PDE7B: variants seen among roughly 807,000 people sequenced by gnomAD.
PDE7B encodes 3',5'-cyclic-AMP phosphodiesterase 7B.
In PDE7B, 29 loss-of-function variants were observed where a neutral mutation model predicts 56.2. That is an observed-to-expected ratio of 0.52 (90% CI 0.38 to 0.70). The LOEUF is 0.70. Among genes scored for constraint, PDE7B ranks in the 30% least tolerant of loss-of-function variants. The pLI is 0.00. For synonymous variants in PDE7B, 197 were observed against 196.9 expected, an observed-to-expected ratio of 1.00 and a Z score of 0.00; for missense variants, 490 against 565.0, an observed-to-expected ratio of 0.87 and a Z score of 1.35.
intron 8 of PDE7B, among the ~76,000 whole-genome samples, chr6:136,158,244 A>G (rs1258376034): frequency 2.6e-5 from 4 of 152,198 alleles, no homozygotes; most frequent in Non-Finnish European, 5.9e-5. Flanking sequence ...GGATGTTTGC[A>G]TGCACATTTT....
chr6:136,129,044 T>G (rs1281657001), intron 3 of PDE7B, among the ~76,000 whole-genome samples: 2 of 152,184 alleles, frequency 1.3e-5, no homozygotes, highest in African/African-American at 2.4e-5. Flanking sequence ...ATTCATTAAC[T>G]CTTTCTGAGT....
At position 136,192,233 on chromosome 6, in the gene PDE7B, G is replaced by C. The variant is rs953521971; in HGVS notation, c.*393G>C. ...GTTTGCTATCTGACTGCTGATCTGC[G>C]TGACAGAAACACCAGCATATTTGCA... On this transcript the variant is annotated 3_prime_UTR_variant, in exon 13 of 13. Transcript: ENST00000308191. 5.1e-6 allele frequency: 1 copy of C among 196,216 alleles called. No individual in the cohort carries two copies. Among genetic ancestry groups the C allele is most frequent in the Non-Finnish European group, 1.1e-5 (1 of 94,246 alleles). 12.2% of individuals were successfully genotyped at this position (196,216 alleles called of 1,614,324 possible).
chr6:135,936,424 G>T (rs764057923), intron 1 of PDE7B, among the ~76,000 whole-genome samples: 8 of 152,142 alleles, frequency 5.3e-5, no homozygotes, highest in Non-Finnish European at 1.0e-4. Flanking sequence ...CTAAAGCTTG[G>T]ACACATCGAC....
intron 2 of PDE7B, among the ~76,000 whole-genome samples, chr6:136,091,783 C>A (rs1777391278): frequency 6.6e-6 from 1 of 152,154 alleles, no homozygotes; most frequent in South Asian, 2.1e-4. Context: ...GGTGGCCAGG[C>A]AGGCCTGGGA....
At chr6:136,065,668 A>G (rs1222740491) in intron 2 of PDE7B, among the ~76,000 whole-genome samples, 1 of 152,230 alleles carries the variant, frequency 6.6e-6, no homozygotes, top group East Asian at 1.9e-4. Context: ...TTCAGGGTAT[A>G]CAACCGTATA....
At chr6:136,090,189 C>T (rs1489521561) in intron 2 of PDE7B, among the ~76,000 whole-genome samples, 1 of 152,092 alleles carries the variant, frequency 6.6e-6, no homozygotes, top group Non-Finnish European at 1.5e-5. Flanking sequence ...GGTGGGGTAG[C>T]TTGGGTTCCT....
chr6:136,147,171 AAAC>A (rs1308473639), intron 3 of PDE7B, among the ~76,000 whole-genome samples, 177 bp from the exon 4 acceptor site: 4 of 151,960 alleles, frequency 2.6e-5, no homozygotes, highest in African/African-American at 9.7e-5. Flanking sequence ...ATTAAAAAAA[AAAC>A]AAATATCAGG....
At chr6:136,145,520 T>C (rs1233381726) in intron 3 of PDE7B, among the ~76,000 whole-genome samples, 1 of 152,206 alleles carries the variant, frequency 6.6e-6, no homozygotes, top group African/African-American at 2.4e-5. Context: ...AAGTGCTCGT[T>C]GCTACTTCTA....
chr6:136,000,441 G>C (rs1399505674), intron 2 of PDE7B, among the ~76,000 whole-genome samples: 3 of 152,184 alleles, frequency 2.0e-5, no homozygotes, highest in Admixed American at 6.5e-5. Context: ...GCATAAGAAA[G>C]TAGTCCAGTT....
intron 2 of PDE7B, among the ~76,000 whole-genome samples, chr6:136,026,474 G>A (rs925855527): frequency 6.6e-6 from 1 of 152,122 alleles, no homozygotes; most frequent in Admixed American, 6.5e-5. Flanking sequence ...AAGGTGCTGG[G>A]GTGTGGTAAT....
intron 2 of PDE7B, among the ~76,000 whole-genome samples, chr6:135,990,265 T>C (rs1775457769): frequency 6.6e-6 from 1 of 151,992 alleles, no homozygotes; most frequent in African/African-American, 2.4e-5. Flanking sequence ...CCAGCTAATT[T>C]TGGTATTTTT....
intron 2 of PDE7B, among the ~76,000 whole-genome samples, chr6:136,084,241 C>T (rs1777251985): frequency 6.6e-6 from 1 of 152,170 alleles, no homozygotes; most frequent in Admixed American, 6.5e-5. Flanking sequence ...GTTAGATAAA[C>T]CTCCATGCAA....
chr6:136,153,331 A>T (rs1449815750), intron 6 of PDE7B, among the ~76,000 whole-genome samples: 1 of 152,234 alleles, frequency 6.6e-6, no homozygotes, highest in East Asian at 1.9e-4. Context: ...CACACTTGCA[A>T]ATCAGGACAG....
chr6:136,148,465 G>GC (rs1408731209), intron 4 of PDE7B, among the ~76,000 whole-genome samples: 292 of 148,792 alleles, frequency 2.0e-3, no homozygotes, highest in African/African-American at 6.5e-3. Flanking sequence ...GGGAGGGAAG[G>GC]AAGGAAGGCA....
At chr6:136,185,483 GA>G (rs1437063252) in intron 11 of PDE7B, among the ~76,000 whole-genome samples, 8 of 152,180 alleles carry the variant, frequency 5.3e-5, no homozygotes, top group African/African-American at 1.9e-4. Flanking sequence ...TGCCTGGGAG[GA>G]GGGCTCACAC....
intron 2 of PDE7B, chr6:136,095,886 T>A (rs891313570): frequency 1.3e-5 from 2 of 152,214 alleles, no homozygotes; most frequent in Admixed American, 6.5e-5. Flanking sequence ...TAGCACACAC[T>A]CAAGGTTCAA....
chr6:136,162,897 G>A (rs535988356), intron 8 of PDE7B, among the ~76,000 whole-genome samples: 1 of 152,336 alleles, frequency 6.6e-6, no homozygotes, highest in South Asian at 2.1e-4. Context: ...TCACATCTAG[G>A]TCACACCTGA....
chr6:135,906,097 T>C (rs991038774), intron 1 of PDE7B, among the ~76,000 whole-genome samples: 2 of 152,134 alleles, frequency 1.3e-5, no homozygotes, highest in Non-Finnish European at 2.9e-5. Context: ...GTTCAGGAAG[T>C]GTGCCCACAA....
chr6:136,092,332 C>A (rs1480253722), intron 2 of PDE7B, among the ~76,000 whole-genome samples: 1 of 152,070 alleles, frequency 6.6e-6, no homozygotes, highest in Non-Finnish European at 1.5e-5. Flanking sequence ...GGGATATTTG[C>A]AGATATGTTT....
Sources: gnomAD v4.1 joint callset for allele counts (sites outside exome capture counted in the v4.1 genomes callset) on GRCh38, gnomAD v4.1.1 for gene constraint, MANE v1.5 for transcripts, NCBI Gene and HGNC (gene_info 2026-07-23, HGNC 2026-07-21) for gene names.